Variants in MCOLN2 observed in about 807,000 individuals in gnomAD.
MCOLN2 encodes the protein mucolipin TRP cation channel 2.
A neutral mutation model predicts 67.5 loss-of-function variants in MCOLN2; 57 were observed. The ratio of observed to expected loss-of-function variants is 0.84; its 90% CI spans 0.68 to 1.05. MCOLN2 has a LOEUF of 1.05. MCOLN2 is among the 50% of genes least tolerant of loss of function. MCOLN2 has a pLI of 0.00. For synonymous variants in MCOLN2, 246 were observed against 233.3 expected, an observed-to-expected ratio of 1.05 and a Z score of -0.50; for missense variants, 620 against 678.8, an observed-to-expected ratio of 0.91 and a Z score of 0.96.
At chr1:84,931,661 C>T in intron 11 of MCOLN2, 93 bp from the exon 12 acceptor site, 1 of 1,060,624 alleles carries the variant, frequency 9.4e-7, no homozygotes, top group South Asian at 1.4e-5. Context: ...TTGTTTTTGT[C>T]ATTGTAGTAG....
Position 84,965,553 on chromosome 1 carries a change from G to C in MCOLN2, c.233C>G (p.Thr78Arg), listed in dbSNP as rs777719588. The C allele has an allele frequency of 6.2e-7, 1 of 1,613,678 alleles. No homozygotes were observed. Among genetic ancestry groups the C allele is most frequent in the South Asian group, 1.1e-5 (1 of 90,974 alleles). Residue 78 changes from threonine to arginine, a missense_variant, in exon 2 of 14, where the codon ACA becomes AGA. Coordinates refer to ENST00000370608, the MANE Select transcript of MCOLN2 (RefSeq NM_153259.4). Reference protein sequence around the residue: ...LQILKIVMVTTQLVRFGLSNQ... With the variant: ...LQILKIVMVTRQLVRFGLSNQ... Reference sequence around the variant, plus strand: ...TGAAATAATAAGATAGGTTACCTGTGTGGTGACCATGACTATCTTCAAAAT... The same window carrying C: ...TGAAATAATAAGATAGGTTACCTGTCTGGTGACCATGACTATCTTCAAAAT...
intron 6 of MCOLN2, 87 bp downstream of exon 6, chr1:84,952,156 T>C: frequency 2.5e-6 from 2 of 800,320 alleles, no homozygotes; most frequent in Non-Finnish European, 4.1e-6. Flanking sequence ...TTAACACATC[T>C]GTAGGCTGCT....
intron 6 of MCOLN2, 147 bp downstream of exon 6, chr1:84,952,093 AAAG>A: frequency 6.6e-6 from 4 of 603,174 alleles, no homozygotes; most frequent in Non-Finnish European, 1.2e-5. Flanking sequence ...TATTAGAAAA[AAAG>A]AAAAGAGTAT....
Position 84,997,068 on chromosome 1 carries a change from G to A in MCOLN2, c.-196C>T. On this transcript the variant is annotated 5_prime_UTR_variant, in exon 1 of 14. Transcript: ENST00000370608. ...GCCCGAGAGCAGGCGCCGCAGTCGT[G>A]GAGTGCGGCGGGCAGTTCTCGGGCG... 2 of 592,602 alleles carry A rather than the reference G, an allele frequency of 3.4e-6. No individual in the cohort carries two copies. Among genetic ancestry groups the A allele is most frequent in the Admixed American group, 6.0e-5 (2 of 33,172 alleles). The allele number at this position is 592,602 out of a possible 1,614,324, so 36.7% of individuals were successfully genotyped here.
At position 84,960,093 on chromosome 1, in the gene MCOLN2, C is replaced by T. The variant is rs147241227; in HGVS notation, c.238-1391G>A. On this transcript the variant is annotated intron_variant, in intron 2 of 13. Transcript: ENST00000370608. ...CATATGCAAACAACATACAGGCATA[C>T]GGTTTTTTCATGGTTTACATTTTTT... Among the ~76,000 whole-genome samples the T allele has an allele frequency of 5.7e-3, 869 of 152,186 alleles. 23 individuals carry two copies. The highest frequency in any genetic ancestry group is 0.048 in the Admixed American group (729 of 15,296).
intron 2 of MCOLN2, among the ~76,000 whole-genome samples, chr1:84,964,922 G>A (rs1386239674): frequency 6.6e-6 from 1 of 152,190 alleles, no homozygotes; most frequent in East Asian, 1.9e-4. Context: ...CTCACCTCCT[G>A]CTGTGCAGCC....
At chr1:84,972,321 T>C (rs1649741462) in intron 1 of MCOLN2, among the ~76,000 whole-genome samples, 1 of 152,216 alleles carries the variant, frequency 6.6e-6, no homozygotes, top group Non-Finnish European at 1.5e-5. Context: ...TCACAGCTTT[T>C]ATGAATTATT....
chr1:84,974,698 T>G (rs2102871005), intron 1 of MCOLN2, among the ~76,000 whole-genome samples: 1 of 152,156 alleles, frequency 6.6e-6, no homozygotes, highest in Admixed American at 6.5e-5. Flanking sequence ...CAGGTTCATC[T>G]CGGCTATTGG....
chr1:84,946,666 G>C (rs113307533), intron 7 of MCOLN2, among the ~76,000 whole-genome samples: 4 of 152,142 alleles, frequency 2.6e-5, no homozygotes, highest in African/African-American at 9.6e-5. Context: ...AGATTTTTCC[G>C]ATTTGGGATG....
chr1:84,958,472 C>G, intron 3 of MCOLN2, 57 bp downstream of exon 3: 1 of 1,416,512 alleles, frequency 7.1e-7, no homozygotes, highest in Non-Finnish European at 9.5e-7. Flanking sequence ...TTGGCTAAGA[C>G]AAGGCCAAGT....
rs150070934 is a variant in MCOLN2 at position 84,934,793 on chromosome 1, G to T, written c.1335+2962C>A. Among the ~76,000 whole-genome samples, 202 of 152,292 alleles carry T rather than the reference G, an allele frequency of 1.3e-3. 1 individual carries two copies. Among genetic ancestry groups the T allele is most frequent in the Non-Finnish European group, 9.1e-4 (62 of 68,026 alleles). The stretch of plus-strand genomic sequence containing the variant: ...ACAGTCTCTCACCCTCTGTGCCCAG[G>T]CATTTTGAAAGGGCACTGTGCCAAA... On this transcript the variant is annotated intron_variant, in intron 11 of 13. Coordinates refer to ENST00000370608, the MANE Select transcript of MCOLN2 (RefSeq NM_153259.4).
chr1:84,929,838 C>G, intron 12 of MCOLN2, 159 bp from the exon 13 acceptor site: 1 of 576,634 alleles, frequency 1.7e-6, no homozygotes, highest in South Asian at 2.9e-5. Context: ...TCTGTCAGTC[C>G]CAGAACACCA....
chr1:84,996,609 C>T (rs1651171172), intron 1 of MCOLN2, among the ~76,000 whole-genome samples, 187 bp downstream of exon 1: 1 of 151,970 alleles, frequency 6.6e-6, no homozygotes, highest in Non-Finnish European at 1.5e-5. Flanking sequence ...CACTACAACC[C>T]TCCCACCTGA....
chr1:84,938,289 T>C (rs979629548), intron 9 of MCOLN2, among the ~76,000 whole-genome samples: 4 of 152,228 alleles, frequency 2.6e-5, no homozygotes, highest in East Asian at 3.8e-4. Context: ...TTTCAATTGG[T>C]TGAACTAAAT....
At chr1:84,937,466 C>T (rs896608589) in intron 11 of MCOLN2, 46 of 455,378 alleles carry the variant, frequency 1.0e-4, no homozygotes, top group African/African-American at 8.5e-4. Flanking sequence ...ATCTCACGTC[C>T]AAACATTTCC....
chr1:84,932,699 C>T (rs577012811), intron 11 of MCOLN2, among the ~76,000 whole-genome samples: 84 of 152,166 alleles, frequency 5.5e-4, no homozygotes, highest in Non-Finnish European at 1.0e-3. Context: ...GAATTGATTA[C>T]TCTTCCCCGC....
intron 9 of MCOLN2, 124 bp downstream of exon 9, chr1:84,939,429 T>G: frequency 1.0e-6 from 1 of 967,310 alleles, no homozygotes. Context: ...GCCTCACTTG[T>G]GCTGGTGTGA....
intron 11 of MCOLN2, 133 bp downstream of exon 11, chr1:84,937,622 T>G: frequency 1.4e-6 from 2 of 1,453,936 alleles, no homozygotes; most frequent in Non-Finnish European, 1.8e-6. Flanking sequence ...AAAAGAAAAC[T>G]GATACAAAGA....
At chr1:84,991,415 T>A (rs1650886560) in intron 1 of MCOLN2, among the ~76,000 whole-genome samples, 1 of 152,164 alleles carries the variant, frequency 6.6e-6, no homozygotes, top group African/African-American at 2.4e-5. Flanking sequence ...TCTGCTAGTC[T>A]CACAAGAGAG....
Sources: allele counts gnomAD v4.1 joint callset (sites outside exome capture counted in the v4.1 genomes callset), GRCh38; gene constraint gnomAD v4.1.1; transcripts MANE v1.5; gene names NCBI Gene and HGNC (gene_info 2026-07-23, HGNC 2026-07-21).